The following SYTL3 variants were observed in gnomAD, a reference collection of about 807,000 sequenced individuals.
SYTL3 encodes synaptotagmin like 3.
A neutral mutation model predicts 82.1 loss-of-function variants in SYTL3; 88 were observed. That is an observed-to-expected ratio of 1.07 (90% CI 0.90 to 1.28). The LOEUF (loss-of-function observed/expected upper bound fraction) is 1.28, where lower values mean the gene tolerates loss of function less well. Among genes scored for constraint, SYTL3 ranks in the 50% most tolerant of loss-of-function variants. SYTL3 has a pLI of 0.00. For missense variants in SYTL3, 831 were observed against 757.6 expected (o/e 1.10, Z -1.14); for synonymous variants, 311 against 289.4 (o/e 1.07, Z -0.76).
chr6:158,682,882 A>G (rs1269903918), intron 5 of SYTL3, 43 bp from the exon 6 acceptor site: 3 of 1,498,752 alleles, frequency 2.0e-6, no homozygotes, highest in Middle Eastern at 1.7e-4. Flanking sequence ...AGCACTATTC[A>G]TATCTTCTCT....
chr6:158,671,166 A>G (rs79294929), intron 5 of SYTL3, among the ~76,000 whole-genome samples: 2,193 of 152,250 alleles, frequency 0.014, 35 homozygotes, highest in East Asian at 0.03. Context: ...TGTTTTGACA[A>G]TAGTGTGTGT....
At chr6:158,746,526 C>T (rs554851261) in intron 12 of SYTL3, among the ~76,000 whole-genome samples, 99 of 149,546 alleles carry the variant, frequency 6.6e-4, no homozygotes, top group African/African-American at 2.3e-3. Context: ...AGTGCGGTGG[C>T]GCAATCTCGG....
chr6:158,700,677 A>T (rs767734761), intron 6 of SYTL3, among the ~76,000 whole-genome samples: 81 of 152,042 alleles, frequency 5.3e-4, no homozygotes, highest in Middle Eastern at 3.4e-3. Context: ...AGTGCAGTGG[A>T]GCGATCTTGG....
At chr6:158,697,946 T>C (rs9457437) in intron 6 of SYTL3, among the ~76,000 whole-genome samples, 77,370 of 152,020 alleles carry the variant, frequency 0.51, 20,399 homozygotes, top group African/African-American at 0.64. Context: ...ATGCTTCTTG[T>C]CCACAGGATT....
intron 6 of SYTL3, among the ~76,000 whole-genome samples, chr6:158,688,737 G>A (rs1235472658): frequency 2.6e-5 from 4 of 152,214 alleles, no homozygotes; most frequent in Non-Finnish European, 5.9e-5. Context: ...TTTTGTGAGT[G>A]TATGTATCTA....
chr6:158,730,952 A>T (rs1785325101), intron 11 of SYTL3, among the ~76,000 whole-genome samples: 1 of 152,132 alleles, frequency 6.6e-6, no homozygotes, highest in Non-Finnish European at 1.5e-5. Flanking sequence ...AGTCCCCATT[A>T]GGGGGGAGAT....
chr6:158,751,239 G>A (rs543179558), intron 12 of SYTL3, among the ~76,000 whole-genome samples: 3 of 152,172 alleles, frequency 2.0e-5, no homozygotes, highest in Non-Finnish European at 2.9e-5. Flanking sequence ...CTAGCCTGTG[G>A]AGAGGGGGCT....
At chr6:158,671,629 A>G (rs2087048) in intron 5 of SYTL3, among the ~76,000 whole-genome samples, 27,353 of 151,624 alleles carry the variant, frequency 0.18, 3,649 homozygotes, top group East Asian at 0.68. Context: ...GCCGGGCATG[A>G]TGGCGCACCC....
intron 11 of SYTL3, among the ~76,000 whole-genome samples, chr6:158,741,074 GT>G (rs370290065): frequency 6.6e-6 from 1 of 152,092 alleles, no homozygotes; most frequent in African/African-American, 2.4e-5. Context: ...TTTTGTTTTT[GT>G]TTTTTGCTTT....
intron 8 of SYTL3, 103 bp downstream of exon 8, chr6:158,708,494 C>A: frequency 9.0e-7 from 1 of 1,109,870 alleles, no homozygotes; most frequent in Non-Finnish European, 1.4e-6. Flanking sequence ...AACCTCCCAG[C>A]AAAGGGATCT....
At chr6:158,664,086 T>C (rs1030645407) in intron 4 of SYTL3, among the ~76,000 whole-genome samples, 1 of 152,152 alleles carries the variant, frequency 6.6e-6, no homozygotes, top group Non-Finnish European at 1.5e-5. Flanking sequence ...TCAATGTCTA[T>C]GGAGGAAGTG....
chr6:158,712,909 C>T (rs1782921374), intron 8 of SYTL3, among the ~76,000 whole-genome samples: 2 of 152,018 alleles, frequency 1.3e-5, no homozygotes, highest in Non-Finnish European at 2.9e-5. Context: ...CAGGTGCCCG[C>T]CACCTTGCCC....
chr6:158,659,463 C>T (rs1005165917), intron 2 of SYTL3, among the ~76,000 whole-genome samples: 1 of 152,164 alleles, frequency 6.6e-6, no homozygotes, highest in Admixed American at 6.5e-5. Context: ...TCAAGTGATT[C>T]CCCTGCCTCA....
chr6:158,717,098 A>G (rs541185735), intron 9 of SYTL3, among the ~76,000 whole-genome samples: 3 of 152,278 alleles, frequency 2.0e-5, no homozygotes, highest in South Asian at 2.1e-4. Flanking sequence ...CCTGGCCAAC[A>G]TGGTGAAACC....
At chr6:158,744,137 G>A (rs1260809681) in intron 11 of SYTL3, among the ~76,000 whole-genome samples, 1 of 150,810 alleles carries the variant, frequency 6.6e-6, no homozygotes, top group African/African-American at 2.4e-5. Flanking sequence ...GGCTGGTCTC[G>A]AACTCCTGAC....
chr6:158,741,956 G>A (rs9456348), intron 11 of SYTL3, among the ~76,000 whole-genome samples: 92,528 of 152,068 alleles, frequency 0.61, 29,632 homozygotes, highest in African/African-American at 0.78. Flanking sequence ...CCGCCACTAC[G>A]CTCCTCATCT....
intron 4 of SYTL3, among the ~76,000 whole-genome samples, chr6:158,664,561 C>T (rs915847664): frequency 7.9e-5 from 12 of 151,972 alleles, no homozygotes; most frequent in African/African-American, 2.9e-4. Flanking sequence ...AACAAAAAAA[C>T]GAAAACAAAA....
Position 158,664,045 on chromosome 6 carries a change from A to G in SYTL3, c.110+667A>G, listed in dbSNP as rs76267162. 2.0e-3 allele frequency among the ~76,000 whole-genome samples: 308 copies of G among 152,274 alleles called. 3 individuals are homozygous for G. The highest frequency in any genetic ancestry group is 6.8e-3 in the African/African-American group (283 of 41,554). On this transcript the variant is annotated intron_variant, in intron 4 of 17. Coordinates refer to ENST00000611299, the MANE Select transcript of SYTL3 (RefSeq NM_001242394.2). ...GCAGTGTTCCGCCTTAGCTGTCAAG[A>G]TCCATCTTTAAACAGGTTGGCGCTT... is the stretch of plus-strand genomic sequence containing the variant.
At chr6:158,693,860 T>C (rs9457432) in intron 6 of SYTL3, among the ~76,000 whole-genome samples, 141 of 42,014 alleles carry the variant, frequency 3.4e-3, no homozygotes, top group African/African-American at 4.2e-3. Flanking sequence ...CTTTTCTTTT[T>C]TTTTTTTTTT....
Sources: allele counts gnomAD v4.1 joint callset (sites outside exome capture counted in the v4.1 genomes callset), GRCh38; gene constraint gnomAD v4.1.1; transcripts MANE v1.5; gene names NCBI Gene and HGNC (gene_info 2026-07-23, HGNC 2026-07-21).